IGFBP7: variants seen among roughly 807,000 people sequenced by gnomAD.
IGFBP7 encodes insulin-like growth factor-binding protein 7.
A neutral mutation model predicts 29.4 loss-of-function variants in IGFBP7; 31 were observed. The ratio of observed to expected loss-of-function variants is 1.05; its 90% CI spans 0.79 to 1.42. The LOEUF (loss-of-function observed/expected upper bound fraction) is 1.42, where lower values mean the gene tolerates loss of function less well. Ranked by LOEUF, IGFBP7 falls within the 40% of genes most tolerant of loss-of-function variation. The pLI, the probability that IGFBP7 is intolerant of heterozygous loss-of-function variation, is 0.00. For missense variants in IGFBP7, 393 were observed against 395.5 expected (o/e 0.99, Z 0.05); for synonymous variants, 172 against 174.9 (o/e 0.98, Z 0.13).
At chr4:57,109,765 C>G in intron 1 of IGFBP7, 112 bp downstream of exon 1, 1 of 1,297,530 alleles carries the variant, frequency 7.7e-7, no homozygotes, top group Non-Finnish European at 1.0e-6. Context: ...GGGATGCCCG[C>G]GGGGGAATCG....
At chr4:57,094,374 G>A (rs1370652466) in intron 1 of IGFBP7, among the ~76,000 whole-genome samples, 3 of 152,202 alleles carry the variant, frequency 2.0e-5, no homozygotes, top group African/African-American at 7.2e-5. Context: ...TGGGGAGGGT[G>A]TGGACAGGAC....
intron 2 of IGFBP7, among the ~76,000 whole-genome samples, chr4:57,040,534 A>G (rs980172197): frequency 6.6e-6 from 1 of 152,354 alleles, no homozygotes; most frequent in East Asian, 1.9e-4. Flanking sequence ...CCACATATGC[A>G]CACACATACA....
chr4:57,041,892 G>T (rs907840382), intron 1 of IGFBP7, among the ~76,000 whole-genome samples: 1 of 152,148 alleles, frequency 6.6e-6, no homozygotes, highest in African/African-American at 2.4e-5. Flanking sequence ...TGGTACAGGG[G>T]TCCTTCTTCC....
intron 1 of IGFBP7, among the ~76,000 whole-genome samples, chr4:57,084,788 G>GTTGTTTTTTTT (rs1553916467): frequency 1.1e-4 from 12 of 113,088 alleles, no homozygotes; most frequent in African/African-American, 3.4e-4. Context: ...TTTAAAAAAG[G>GTTGTTTTTTTT]TTTTTTTTTT....
rs1355592417 is a variant in IGFBP7, at chr4:57,032,502, G to C, written c.753C>G (p.Ser251=). Residue 251 remains serine, a synonymous_variant, in exon 4 of 5, where the codon TCC becomes TCG. Coordinates refer to ENST00000295666, the MANE Select transcript of IGFBP7 (RefSeq NM_001553.3). The stretch of plus-strand genomic sequence containing the variant: ...ATGCTGAAGCCTGTCCTTGGGAATT[G>C]GATGCATGGCACTCATATTCTCCAG... ...EDAGEYECHA[S]NSQGQASASA... The C allele has an allele frequency of 5.6e-6, 9 of 1,613,848 alleles. No homozygotes were observed. The highest frequency in any genetic ancestry group is 7.6e-6 in the Non-Finnish European group (9 of 1,179,906).
At chr4:57,101,415 C>T (rs1289739964) in intron 1 of IGFBP7, among the ~76,000 whole-genome samples, 1 of 152,160 alleles carries the variant, frequency 6.6e-6, no homozygotes, top group Non-Finnish European at 1.5e-5. Flanking sequence ...GCTTTTGGGA[C>T]CAGAGGCCCC....
intron 1 of IGFBP7, among the ~76,000 whole-genome samples, chr4:57,067,599 G>A (rs1724950563): frequency 6.6e-6 from 1 of 152,110 alleles, no homozygotes; most frequent in Admixed American, 6.6e-5. Context: ...GAGACCTGCT[G>A]TACAGCAATG....
intron 1 of IGFBP7, among the ~76,000 whole-genome samples, chr4:57,041,371 G>C (rs75900224): frequency 0.017 from 2,606 of 152,188 alleles, 74 homozygotes; most frequent in African/African-American, 0.059. Context: ...AAAAATCTAA[G>C]AGAATATTTG....
chr4:57,084,788 G>GTTGTTTTTTTTTT (rs1553916467), intron 1 of IGFBP7, among the ~76,000 whole-genome samples: 2 of 113,102 alleles, frequency 1.8e-5, no homozygotes, highest in African/African-American at 6.9e-5. Context: ...TTTAAAAAAG[G>GTTGTTTTTTTTTT]TTTTTTTTTT....
At chr4:57,070,030 G>A (rs758921963) in intron 1 of IGFBP7, among the ~76,000 whole-genome samples, 15 of 151,278 alleles carry the variant, frequency 9.9e-5, no homozygotes, top group Non-Finnish European at 1.9e-4. Context: ...GCAGTGAGCC[G>A]GAATCGTGCC....
intron 1 of IGFBP7, among the ~76,000 whole-genome samples, chr4:57,084,788 G>GCT (rs71657252): frequency 1.8e-5 from 2 of 113,104 alleles, no homozygotes; most frequent in East Asian, 5.1e-4. Context: ...TTTAAAAAAG[G>GCT]TTTTTTTTTT....
At chr4:57,101,658 A>G (rs1371997398) in intron 1 of IGFBP7, among the ~76,000 whole-genome samples, 1 of 152,162 alleles carries the variant, frequency 6.6e-6, no homozygotes, top group Non-Finnish European at 1.5e-5. Flanking sequence ...AATCAATTTT[A>G]AGTAAAAAAA....
At chr4:57,076,272 G>T (rs1725223863) in intron 1 of IGFBP7, among the ~76,000 whole-genome samples, 1 of 152,184 alleles carries the variant, frequency 6.6e-6, no homozygotes, top group Admixed American at 6.5e-5. Flanking sequence ...CTTCCACAGA[G>T]AAATTTTCTG....
intron 1 of IGFBP7, among the ~76,000 whole-genome samples, chr4:57,068,312 A>C (rs1724969412): frequency 6.6e-6 from 1 of 152,058 alleles, no homozygotes; most frequent in Admixed American, 6.6e-5. Context: ...AGTGAGTTTA[A>C]CAAAAAATAT....
At chr4:57,106,426 G>A (rs1258444886) in intron 1 of IGFBP7, among the ~76,000 whole-genome samples, 3 of 152,130 alleles carry the variant, frequency 2.0e-5, no homozygotes, top group South Asian at 2.1e-4. Context: ...GGCGTTGCAG[G>A]CAGAAGGCAC....
At chr4:57,032,189 T>C in intron 4 of IGFBP7, 1 of 1,062,796 alleles carries the variant, frequency 9.4e-7, no homozygotes, top group Non-Finnish European at 1.2e-6. Flanking sequence ...TGATTTTGAC[T>C]CTTACATGTT....
At chr4:57,038,504 C>G (rs536666431) in intron 2 of IGFBP7, among the ~76,000 whole-genome samples, 211 of 152,204 alleles carry the variant, frequency 1.4e-3, no homozygotes, top group Non-Finnish European at 2.6e-3. Context: ...GTAGAACTTG[C>G]AACAGAAAGA....
intron 1 of IGFBP7, chr4:57,073,228 G>A: frequency 1.4e-6 from 1 of 716,692 alleles, no homozygotes; most frequent in Non-Finnish European, 2.1e-6. Context: ...TGTATCTTGA[G>A]CTGTGGTATT....
chr4:57,104,607 T>C (rs1017370015), intron 1 of IGFBP7, among the ~76,000 whole-genome samples: 2 of 152,224 alleles, frequency 1.3e-5, no homozygotes, highest in African/African-American at 4.8e-5. Flanking sequence ...AAAATGAGCT[T>C]CTCAAAGAAT....
Sources: allele counts gnomAD v4.1 joint callset (sites outside exome capture counted in the v4.1 genomes callset), GRCh38; gene constraint gnomAD v4.1.1; transcripts MANE v1.5; gene names NCBI Gene and HGNC (gene_info 2026-07-23, HGNC 2026-07-21).